The following TTLL9 variants were observed in gnomAD, a reference collection of about 807,000 sequenced individuals.
The protein encoded by TTLL9 is tubulin tyrosine ligase like 9.
In TTLL9, 47 loss-of-function variants were observed where a neutral mutation model predicts 65.6. That is an observed-to-expected ratio of 0.72 (90% CI 0.57 to 0.91). The LOEUF is 0.91. TTLL9 is among the 40% of genes least tolerant of loss of function. The pLI, the probability that TTLL9 is intolerant of heterozygous loss-of-function variation, is 0.00. For synonymous variants in TTLL9, 179 were observed against 204.8 expected, an observed-to-expected ratio of 0.87 and a Z score of 1.07; for missense variants, 537 against 568.8, an observed-to-expected ratio of 0.94 and a Z score of 0.57.
At chr20:31,941,119 A>C (rs553226238) in intron 14 of TTLL9, 1 of 150,714 alleles carries the variant, frequency 6.6e-6, no homozygotes, top group East Asian at 2.0e-4. Flanking sequence ...CGGGAGGCTG[A>C]GGCAGGAGAA....
chr20:31,915,209 C>T (rs916850469), intron 6 of TTLL9, among the ~76,000 whole-genome samples: 6 of 152,178 alleles, frequency 3.9e-5, no homozygotes, highest in East Asian at 3.8e-4. Context: ...CGGCCGGGCG[C>T]GGTGGCTCAC....
intron 10 of TTLL9, among the ~76,000 whole-genome samples, chr20:31,933,565 A>G (rs1229121078): frequency 6.6e-6 from 1 of 152,186 alleles, no homozygotes; most frequent in Non-Finnish European, 1.5e-5. Flanking sequence ...ATGTACCCCC[A>G]TTAAAAGGTG....
At chr20:31,935,395 C>T (rs1171031947) in intron 12 of TTLL9, among the ~76,000 whole-genome samples, 1 of 152,202 alleles carries the variant, frequency 6.6e-6, no homozygotes, top group East Asian at 1.9e-4. Flanking sequence ...ACACAGAAGC[C>T]CAGTGAGGGT....
chr20:31,943,095 C>T lies in TTLL9; in HGVS notation c.*74C>T, dbSNP rs1272824776. The T allele has an allele frequency of 1.2e-5, 16 of 1,354,344 alleles. No homozygotes were observed. Among genetic ancestry groups the T allele is most frequent in the Non-Finnish European group, 1.7e-5 (16 of 949,734 alleles). 83.9% of individuals were successfully genotyped at this position (1,354,344 alleles called of 1,614,324 possible). A position where few individuals can be genotyped will look rare whatever the true frequency, so the allele number is the denominator to read the frequency against. On this transcript the variant is annotated 3_prime_UTR_variant, in exon 15 of 15. Transcript: ENST00000535842. ...TCCCCCCCACTCCCAGATCCCAGCA[C>T]AGCACCTCACAGCATTCGCCTCCCC... is the stretch of plus-strand genomic sequence containing the variant.
At chr20:31,912,603 A>ATGTGTGTGTGTGTGTGTGTGTGTGTG (rs61107814) in intron 6 of TTLL9, among the ~76,000 whole-genome samples, 1 of 141,006 alleles carries the variant, frequency 7.1e-6, no homozygotes, top group Non-Finnish European at 1.5e-5. Context: ...GTGTATGTGT[A>ATGTGTGTGTGTGTGTGTGTGTGTGTG]TGTGTGTGTG....
rs1477074530 is a variant in TTLL9, at chr20:31,939,054, G to A, written c.1119-88G>A. On this transcript the variant is annotated intron_variant, in intron 13 of 14. Coordinates refer to ENST00000535842, the MANE Select transcript of TTLL9 (RefSeq NM_001008409.5). ...CTTCTGAGGGACGGACATCAGTTGG[G>A]CTCAGGGAGAGATCAGGGACCTCAC... The A allele has an allele frequency of 2.1e-6, 3 of 1,434,038 alleles. No homozygotes were observed. The East Asian group carries it at 7.6e-5, about 36-fold the overall frequency. The allele number at this position is 1,434,038 out of a possible 1,614,324, so 88.8% of individuals were successfully genotyped here. A position where few individuals can be genotyped will look rare whatever the true frequency, so the allele number is the denominator to read the frequency against.
chr20:31,931,391 T>C (rs1323007849), intron 10 of TTLL9, among the ~76,000 whole-genome samples: 1 of 152,126 alleles, frequency 6.6e-6, no homozygotes, highest in African/African-American at 2.4e-5. Flanking sequence ...TCCTCCCACC[T>C]CAGCCCCTCA....
chr20:31,934,762 CA>C lies in TTLL9; in HGVS notation c.879del (p.Leu294SerfsTer19). 2 of 1,613,382 alleles carry C rather than the reference CA, an allele frequency of 1.2e-6. No individual in the cohort carries two copies. Among genetic ancestry groups the C allele is most frequent in the South Asian group, 2.2e-5 (2 of 91,042 alleles). On this transcript the variant is annotated frameshift_variant, in exon 12 of 15. Transcript: ENST00000535842. LOFTEE classifies it high-confidence loss of function. ...AAACACGGGCCCGAGGCAGTGGAGA[CA>C]CTCTTCAGGGACATCGACAACATCT... Reference protein sequence around the residue: ...ASKHGPEAVETLFRDIDNIFV... With the variant: ...ASKHGPEAVEXLFRDIDNIFV...
intron 6 of TTLL9, among the ~76,000 whole-genome samples, chr20:31,916,687 G>A (rs923299505): frequency 9.9e-5 from 15 of 152,190 alleles, no homozygotes; most frequent in Admixed American, 7.9e-4. Context: ...CATCAGACTT[G>A]TCACCTCATG....
rs1313465801 is a variant in TTLL9 at position 31,873,768 on chromosome 20, GAGAA to G, written c.69+2587_69+2590del. Among the ~76,000 whole-genome samples the G allele has an allele frequency of 2.5e-3, 351 of 139,416 alleles. 3 individuals are homozygous for G. The highest frequency in any genetic ancestry group is 0.013 in the Middle Eastern group (3 of 226). 91.5% of individuals were successfully genotyped at this position (139,416 alleles called of 152,430 possible). A position where few individuals can be genotyped will look rare whatever the true frequency, so the allele number is the denominator to read the frequency against. On this transcript the variant is annotated intron_variant, in intron 2 of 14. Transcript: ENST00000535842. ...AGGAAGGAAGAAAGAAAGAAAGAAA[GAGAA>G]AGAAAGAAAGAAAAAGAAAGAAAGG... is the stretch of plus-strand genomic sequence containing the variant.
Position 31,944,963 on chromosome 20 carries a change from A to G in TTLL9, c.*1942A>G, listed in dbSNP as rs1010934115. 3 of 152,240 alleles carry G rather than the reference A, an allele frequency of 2.0e-5. No individual in the cohort carries two copies. Among genetic ancestry groups the G allele is most frequent in the African/African-American group, 7.2e-5 (3 of 41,464 alleles). 9.4% of individuals were successfully genotyped at this position (152,240 alleles called of 1,614,324 possible). ...AAATAAAGACTAGTTGCTGCTATTC[A>G]TTCATTCAGCTAACATTTATTGAGC... On this transcript the variant is annotated 3_prime_UTR_variant, in exon 15 of 15. Transcript: ENST00000535842.
intron 14 of TTLL9, chr20:31,940,189 G>A (rs1270634901): frequency 1.3e-5 from 2 of 152,108 alleles, no homozygotes; most frequent in East Asian, 1.9e-4. Flanking sequence ...AAGATTATAC[G>A]AATTTGTCAG....
At chr20:31,894,720 T>C (rs568382225) in intron 3 of TTLL9, among the ~76,000 whole-genome samples, 240 of 148,996 alleles carry the variant, frequency 1.6e-3, no homozygotes, top group South Asian at 0.011. Context: ...TACATGTATA[T>C]ACACACACAC....
intron 11 of TTLL9, 32 bp from the exon 12 acceptor site, chr20:31,934,660 C>T (rs745906530): frequency 1.3e-6 from 2 of 1,579,938 alleles, no homozygotes; most frequent in South Asian, 1.2e-5. Flanking sequence ...CTAACTGAGG[C>T]TCCTCTCTCG....
At chr20:31,938,737 G>T (rs2064157854) in intron 13 of TTLL9, among the ~76,000 whole-genome samples, 1 of 152,176 alleles carries the variant, frequency 6.6e-6, no homozygotes, top group Non-Finnish European at 1.5e-5. Flanking sequence ...AATTAGCTGG[G>T]TGTGGTGGTG....
intron 10 of TTLL9, among the ~76,000 whole-genome samples, chr20:31,932,814 T>C (rs2123617485): frequency 6.6e-6 from 1 of 152,202 alleles, no homozygotes; most frequent in African/African-American, 2.4e-5. Flanking sequence ...CTGGCCAACA[T>C]GGTGAAACCC....
intron 2 of TTLL9, among the ~76,000 whole-genome samples, chr20:31,873,684 G>GAGAGAGAGAGAAAGAA (rs1364633891): frequency 8.9e-5 from 9 of 100,584 alleles, no homozygotes; most frequent in African/African-American, 3.5e-4. Flanking sequence ...AAGAGAGAGA[G>GAGAGAGAGAGAAAGAA]AGAAAGAAAG....
At chr20:31,901,506 G>A (rs1370602309) in intron 4 of TTLL9, 1 of 152,230 alleles carries the variant, frequency 6.6e-6, no homozygotes, top group Non-Finnish European at 1.5e-5. Flanking sequence ...AAAATGGTGT[G>A]CAAATGAATG....
Position 31,933,418 on chromosome 20 carries a change from T to TA in TTLL9, c.749-370dup, listed in dbSNP as rs113180138. ...CTTGTTAGAACCACTCCTCTTGAATTAAAAAAAAAAAATCATAATATACCA... is the reference window on the plus strand; with the variant it reads ...CTTGTTAGAACCACTCCTCTTGAATTAAAAAAAAAAAAATCATAATATACCA... On this transcript the variant is annotated intron_variant, in intron 10 of 14. Coordinates refer to ENST00000535842, the MANE Select transcript of TTLL9 (RefSeq NM_001008409.5). 4.3e-3 allele frequency among the ~76,000 whole-genome samples: 626 copies of TA among 144,768 alleles called. 5 individuals are homozygous for TA. Among genetic ancestry groups the TA allele is most frequent in the African/African-American group, 0.013 (494 of 39,458 alleles). 95.0% of individuals were successfully genotyped at this position (144,768 alleles called of 152,430 possible). A position where few individuals can be genotyped will look rare whatever the true frequency, so the allele number is the denominator to read the frequency against.
Sources: gnomAD v4.1 joint callset for allele counts (sites outside exome capture counted in the v4.1 genomes callset) on GRCh38, gnomAD v4.1.1 for gene constraint, MANE v1.5 for transcripts, NCBI Gene and HGNC (gene_info 2026-07-23, HGNC 2026-07-21) for gene names.